Variants in RRM1 observed in about 807,000 individuals in gnomAD.
RRM1 encodes the protein ribonucleotide reductase catalytic subunit M1.
A neutral mutation model predicts 101.5 loss-of-function variants in RRM1; 19 were observed. The observed-to-expected ratio is 0.19, with a 90% CI of 0.13 to 0.27. The LOEUF is 0.27. Ranked by LOEUF, RRM1 falls within the 10% of genes least tolerant of loss-of-function variation. The pLI, the probability that RRM1 is intolerant of heterozygous loss-of-function variation, is 1.00. For synonymous variants in RRM1, 298 were observed against 323.4 expected (o/e 0.92, Z 0.84); for missense variants, 500 against 962.9 (o/e 0.52, Z 6.36).
chr11:4,101,663 A>G (rs1329371780), intron 1 of RRM1, among the ~76,000 whole-genome samples: 2 of 150,488 alleles, frequency 1.3e-5, no homozygotes, highest in African/African-American at 4.9e-5. Flanking sequence ...TATTCTGGAG[A>G]TCATAAGCCA....
In RRM1 at chr11:4,127,103, C is replaced by T. The variant is rs1484879647; in HGVS notation, c.1539C>T (p.Ile513=). The part of the protein sequence containing the change: ...IGVQGLADAF[I]LMRYPFESAE... ...TACAAGGTCTGGCAGATGCTTTTATCCTGATGAGATACCCTTTTGAGAGTG... is the reference window on the plus strand; with the variant it reads ...TACAAGGTCTGGCAGATGCTTTTATTCTGATGAGATACCCTTTTGAGAGTG... Residue 513 remains isoleucine, a synonymous_variant, in exon 14 of 19, where the codon ATC becomes ATT. Transcript: ENST00000300738. 1.2e-6 allele frequency: 2 copies of T among 1,614,164 alleles called. No homozygotes were observed. Among genetic ancestry groups the T allele is most frequent in the East Asian group, 2.2e-5 (1 of 44,886 alleles).
In RRM1 at chr11:4,138,337, T is replaced by C. The variant is rs2229196; in HGVS notation, c.2333T>C (p.Val778Ala). 1.2e-5 allele frequency: 19 copies of C among 1,612,192 alleles called. No homozygotes were observed. In the African/African-American group the frequency reaches 2.1e-4, roughly 18 times the overall value. ...EEKERNTAAM[V>A]CSLENRDECL... Reference sequence around the variant, plus strand: ...AAGGAGAGGAACACAGCAGCCATGGTGTGCTCTTTGGAGAATAGAGATGAA... The same window carrying C: ...AAGGAGAGGAACACAGCAGCCATGGCGTGCTCTTTGGAGAATAGAGATGAA... The change falls in exon 19 of 19, where the codon GTG becomes GCG. Residue 778 changes from valine to alanine, a missense_variant. Physicochemically the swap from Val to Ala is moderately conservative, Grantham distance 64. This residue lies in a region of RRM1 where 33 missense variants were observed against 40.7 expected (regional missense o/e 0.81). Coordinates refer to ENST00000300738, the MANE Select transcript of RRM1 (RefSeq NM_001033.5).
chr11:4,127,001 T>C, intron 13 of RRM1, 34 bp from the exon 14 acceptor site: 1 of 1,567,126 alleles, frequency 6.4e-7, no homozygotes. Flanking sequence ...TCAGTAATGT[T>C]TTCTCCTTTT....
In RRM1 at chr11:4,095,038, G is replaced by T. The variant is rs550518576; in HGVS notation, c.19+7G>T. 1.6e-5 allele frequency: 25 copies of T among 1,569,062 alleles called. 1 individual carries two copies. In the Admixed American group the frequency reaches 2.8e-4, roughly 18 times the overall value. ...ATGCATGTGATCAAGCGAGGTGAGG[G>T]GGGGACGAGGTGGGCGAGAAGGAAG... is the stretch of plus-strand genomic sequence containing the variant. On this transcript the variant is annotated splice_region_variant and intron_variant, in intron 1 of 18. Coordinates refer to ENST00000300738, the MANE Select transcript of RRM1 (RefSeq NM_001033.5).
chr11:4,104,651 A>G (rs2094556039), intron 2 of RRM1, among the ~76,000 whole-genome samples: 1 of 152,164 alleles, frequency 6.6e-6, no homozygotes, highest in African/African-American at 2.4e-5. Flanking sequence ...TTCATGTAAA[A>G]TAGGTATAGT....
At position 4,133,602 on chromosome 11, in the gene RRM1, G is replaced by T; in HGVS notation, c.1945G>T (p.Gly649Cys). 6.2e-7 allele frequency: 1 copy of T among 1,612,024 alleles called. No individual in the cohort carries two copies. Among genetic ancestry groups the T allele is most frequent in the Non-Finnish European group, 8.5e-7 (1 of 1,178,848 alleles). Residue 649 changes from glycine (G) to cysteine (C), a missense_variant, in exon 17 of 19, where the codon GGC becomes TGC. By Grantham distance (159) the Gly-to-Cys change is radical (BLOSUM62 -3). Transcript: ENST00000300738. ...CTTATTGAAAGATCTTACCGAGCGGGGCCTATGGCATGAAGAGATGAAAAA... is the reference window on the plus strand; with the variant it reads ...CTTATTGAAAGATCTTACCGAGCGGTGCCTATGGCATGAAGAGATGAAAAA... Reference protein sequence around the residue: ...PHLLKDLTERGLWHEEMKNQI... With the variant: ...PHLLKDLTERCLWHEEMKNQI...
chr11:4,125,657 C>A (rs1300933552), intron 12 of RRM1, among the ~76,000 whole-genome samples: 2 of 152,212 alleles, frequency 1.3e-5, no homozygotes, highest in Non-Finnish European at 2.9e-5. Flanking sequence ...CTTCCCATAG[C>A]CACATGATTT....
intron 4 of RRM1, among the ~76,000 whole-genome samples, chr11:4,108,813 C>A (rs1403627609): frequency 1.3e-5 from 2 of 152,040 alleles, no homozygotes; most frequent in African/African-American, 4.8e-5. Context: ...CTCTAATATT[C>A]ACACTGGGCC....
intron 7 of RRM1, among the ~76,000 whole-genome samples, chr11:4,115,921 C>G: frequency 6.6e-6 from 1 of 151,990 alleles, no homozygotes; most frequent in Admixed American, 6.5e-5. Flanking sequence ...CACCATAGAG[C>G]AAAACATTGG....
intron 18 of RRM1, among the ~76,000 whole-genome samples, chr11:4,136,472 G>A (rs1017566957): frequency 1.4e-4 from 22 of 152,042 alleles, no homozygotes; most frequent in African/African-American, 4.8e-4. Flanking sequence ...CACCTGCCTC[G>A]GCCTCCCAAA....
chr11:4,109,807 A>C (rs2094563042), intron 5 of RRM1, 104 bp downstream of exon 5: 1 of 866,898 alleles, frequency 1.2e-6, no homozygotes, highest in South Asian at 1.8e-5. Flanking sequence ...AGTTGTTTGG[A>C]GTTGAGATGG....
intron 4 of RRM1, among the ~76,000 whole-genome samples, chr11:4,108,563 A>C (rs2094561332): frequency 7.2e-6 from 1 of 139,024 alleles, no homozygotes; most frequent in African/African-American, 2.6e-5. Flanking sequence ...GGGCCACTGC[A>C]CTCCAGCCTG....
At chr11:4,130,863 AG>A in intron 15 of RRM1, among the ~76,000 whole-genome samples, 1 of 152,342 alleles carries the variant, frequency 6.6e-6, no homozygotes, top group Non-Finnish European at 1.5e-5. Context: ...GTCTGTAGAC[AG>A]ATGATGTTGC....
chr11:4,120,845 C>A (rs184063676), intron 9 of RRM1, among the ~76,000 whole-genome samples: 7 of 152,242 alleles, frequency 4.6e-5, no homozygotes, highest in Non-Finnish European at 1.0e-4. Flanking sequence ...ATGACGCAAC[C>A]CCATCTCCAC....
intron 3 of RRM1, 122 bp from the exon 4 acceptor site, chr11:4,107,313 G>A (rs2094559639): frequency 4.6e-6 from 3 of 654,606 alleles, no homozygotes; most frequent in Non-Finnish European, 8.2e-6. Flanking sequence ...TTATATGCTA[G>A]GCATTGAGGT....
chr11:4,120,192 T>C (rs1375201720), intron 9 of RRM1, among the ~76,000 whole-genome samples: 1 of 152,194 alleles, frequency 6.6e-6, no homozygotes, highest in Non-Finnish European at 1.5e-5. Flanking sequence ...CTCCCTCATA[T>C]ACCTTTACAT....
At chr11:4,114,075 C>T (rs1267366467) in intron 7 of RRM1, among the ~76,000 whole-genome samples, 2 of 152,006 alleles carry the variant, frequency 1.3e-5, no homozygotes, top group African/African-American at 4.8e-5. Context: ...GCAGAGGTTG[C>T]AGTGAGCCAA....
intron 12 of RRM1, among the ~76,000 whole-genome samples, chr11:4,126,178 T>C (rs919756356): frequency 3.3e-5 from 5 of 152,138 alleles, no homozygotes; most frequent in African/African-American, 1.2e-4. Context: ...AGAATATCAG[T>C]GAAGGTGAGG....
At chr11:4,137,155 T>G in intron 18 of RRM1, 1 of 246,732 alleles carries the variant, frequency 4.1e-6, no homozygotes, top group Non-Finnish European at 7.8e-6. Context: ...ATGAAAAGTC[T>G]CCCGTGTCTA....
Sources: allele counts gnomAD v4.1 joint callset (sites outside exome capture counted in the v4.1 genomes callset), GRCh38; gene constraint gnomAD v4.1.1; regional missense constraint gnomAD v4.1.1; transcripts MANE v1.5; gene names NCBI Gene and HGNC (gene_info 2026-07-23, HGNC 2026-07-21).